The following KCNH8 variants were observed in gnomAD, a reference collection of about 807,000 sequenced individuals.
KCNH8 encodes voltage-gated delayed rectifier potassium channel KCNH8.
A neutral mutation model predicts 103.6 loss-of-function variants in KCNH8; 70 were observed. That is an observed-to-expected ratio of 0.68 (90% CI 0.56 to 0.82). KCNH8 has a LOEUF of 0.82. KCNH8 is among the 40% of genes least tolerant of loss of function. The pLI is 0.00. For missense variants in KCNH8, 1,217 were observed against 1,329.9 expected (o/e 0.92, Z 1.32); for synonymous variants, 498 against 489.4 (o/e 1.02, Z -0.23).
At chr3:19,164,316 GC>G (rs2063261891) in intron 1 of KCNH8, among the ~76,000 whole-genome samples, 1 of 152,142 alleles carries the variant, frequency 6.6e-6, no homozygotes, top group South Asian at 2.1e-4. Flanking sequence ...CAAAACCCAT[GC>G]TCTTCCTTCA....
At chr3:19,304,959 T>TA (rs922843924) in intron 3 of KCNH8, among the ~76,000 whole-genome samples, 9 of 151,646 alleles carry the variant, frequency 5.9e-5, no homozygotes, top group South Asian at 2.1e-4. Context: ...TACCAAAAAT[T>TA]AAAAAAAATA....
intron 7 of KCNH8, among the ~76,000 whole-genome samples, chr3:19,425,348 C>A (rs962059351): frequency 1.3e-5 from 2 of 152,160 alleles, no homozygotes; most frequent in African/African-American, 4.8e-5. Context: ...GTTGCTCCAA[C>A]TAGGAGGACT....
chr3:19,380,256 C>T (rs2066270678), intron 5 of KCNH8, among the ~76,000 whole-genome samples: 1 of 152,100 alleles, frequency 6.6e-6, no homozygotes, highest in South Asian at 2.1e-4. Context: ...AAACTTTAAA[C>T]ATGAAATATG....
intron 7 of KCNH8, among the ~76,000 whole-genome samples, chr3:19,433,367 A>C (rs2067151231): frequency 6.6e-6 from 1 of 152,202 alleles, no homozygotes; most frequent in Non-Finnish European, 1.5e-5. Context: ...CAAAGAATTA[A>C]AACAAATGAA....
intron 1 of KCNH8, among the ~76,000 whole-genome samples, chr3:19,209,487 T>C (rs778711972): frequency 6.6e-6 from 1 of 152,120 alleles, no homozygotes; most frequent in Non-Finnish European, 1.5e-5. Flanking sequence ...TAAACAAAGC[T>C]AATTTAGTCT....
intron 7 of KCNH8, among the ~76,000 whole-genome samples, 155 bp downstream of exon 7, chr3:19,395,466 A>G (rs1473615793): frequency 6.6e-6 from 1 of 152,098 alleles, no homozygotes; most frequent in Non-Finnish European, 1.5e-5. Flanking sequence ...GACACAAGTA[A>G]TTTATTTCAA....
At chr3:19,261,371 A>C (rs80316481) in intron 2 of KCNH8, among the ~76,000 whole-genome samples, 4,027 of 151,868 alleles carry the variant, frequency 0.027, 173 homozygotes, top group African/African-American at 0.091. Flanking sequence ...ACCATTTTAT[A>C]TGTCTATTGG....
intron 11 of KCNH8, among the ~76,000 whole-genome samples, chr3:19,496,950 G>A (rs979874319): frequency 6.6e-6 from 1 of 151,958 alleles, no homozygotes; most frequent in Non-Finnish European, 1.5e-5. Flanking sequence ...AATTTATCAG[G>A]TTCTTCTAGA....
intron 11 of KCNH8, among the ~76,000 whole-genome samples, chr3:19,485,079 C>T (rs972345076): frequency 5.9e-5 from 9 of 152,114 alleles, no homozygotes; most frequent in South Asian, 2.1e-4. Context: ...ACTCTGAGGT[C>T]GGTAGGCGGC....
chr3:19,378,978 A>G (rs946596214), intron 5 of KCNH8, among the ~76,000 whole-genome samples: 6 of 152,248 alleles, frequency 3.9e-5, no homozygotes, highest in African/African-American at 1.4e-4. Context: ...TGAGGTCTAT[A>G]GGTACACAAG....
At chr3:19,230,413 A>T (rs1362686508) in intron 1 of KCNH8, among the ~76,000 whole-genome samples, 1 of 152,220 alleles carries the variant, frequency 6.6e-6, no homozygotes, top group Non-Finnish European at 1.5e-5. Flanking sequence ...TAAACATAGA[A>T]GTTTAATAAA....
intron 1 of KCNH8, among the ~76,000 whole-genome samples, chr3:19,167,618 G>A (rs1470735311): frequency 1.3e-5 from 2 of 152,124 alleles, no homozygotes; most frequent in African/African-American, 2.4e-5. Flanking sequence ...CTTAAGGCAC[G>A]AGAATCGTAA....
chr3:19,237,407 T>C (rs1361478497), intron 1 of KCNH8, among the ~76,000 whole-genome samples: 1 of 152,226 alleles, frequency 6.6e-6, no homozygotes, highest in Non-Finnish European at 1.5e-5. Context: ...GTTCAAAATA[T>C]GACCTACTCA....
At chr3:19,480,930 G>A (rs2068074863) in intron 11 of KCNH8, among the ~76,000 whole-genome samples, 1 of 152,180 alleles carries the variant, frequency 6.6e-6, no homozygotes, top group African/African-American at 2.4e-5. Context: ...GGGAGAGAAA[G>A]GAGAAGAAAA....
At chr3:19,461,555 T>C (rs2067628395) in intron 11 of KCNH8, among the ~76,000 whole-genome samples, 1 of 152,188 alleles carries the variant, frequency 6.6e-6, no homozygotes, top group African/African-American at 2.4e-5. Flanking sequence ...GAAATTTAAG[T>C]GATGGGTTGT....
intron 5 of KCNH8, among the ~76,000 whole-genome samples, chr3:19,362,598 G>A (rs950162267): frequency 3.3e-5 from 5 of 152,130 alleles, no homozygotes; most frequent in East Asian, 1.9e-4. Context: ...ACAAAGCAGC[G>A]TATCTTGAGG....
At chr3:19,341,414 G>T (rs2065658129) in intron 3 of KCNH8, among the ~76,000 whole-genome samples, 1 of 152,026 alleles carries the variant, frequency 6.6e-6, no homozygotes. Flanking sequence ...ACTAATGTTT[G>T]CTTGACATTT....
intron 5 of KCNH8, among the ~76,000 whole-genome samples, chr3:19,349,986 C>A (rs1388523630): frequency 6.6e-6 from 1 of 152,048 alleles, no homozygotes; most frequent in Non-Finnish European, 1.5e-5. Flanking sequence ...GGTCTGCAAG[C>A]AGTTCTAGTG....
intron 3 of KCNH8, among the ~76,000 whole-genome samples, chr3:19,293,714 G>A (rs892596541): frequency 2.6e-5 from 4 of 152,154 alleles, no homozygotes; most frequent in Admixed American, 2.0e-4. Context: ...TAAAAAGTTG[G>A]TTTTAATTGT....
Sources: allele counts gnomAD v4.1 joint callset (sites outside exome capture counted in the v4.1 genomes callset), GRCh38; gene constraint gnomAD v4.1.1; transcripts MANE v1.5; gene names NCBI Gene and HGNC (gene_info 2026-07-23, HGNC 2026-07-21).